Variants in KICS2 observed in about 807,000 individuals in gnomAD.
The protein encoded by KICS2 is KICSTOR complex protein C12orf66.
In KICS2, 13 loss-of-function variants were observed where a neutral mutation model predicts 31.4. The ratio of observed to expected loss-of-function variants is 0.41; its 90% CI spans 0.27 to 0.66. KICS2 has a LOEUF of 0.66. Ranked by LOEUF, KICS2 falls within the 30% of genes least tolerant of loss-of-function variation. The pLI, the probability that KICS2 is intolerant of heterozygous loss-of-function variation, is 0.28. For synonymous variants in KICS2, 209 were observed against 214.8 expected (o/e 0.97, Z 0.24); for missense variants, 455 against 545.4 (o/e 0.83, Z 1.65).
At chr12:64,208,852 T>C (rs115246617) in intron 2 of KICS2, among the ~76,000 whole-genome samples, 5,264 of 152,270 alleles carry the variant, frequency 0.035, 310 homozygotes, top group African/African-American at 0.12. Flanking sequence ...AAGTGATGGC[T>C]TTCTTCTTTC....
downstream of KICS2, chr12:64,186,993 T>C (rs2037343967): frequency 6.6e-6 from 1 of 152,272 alleles, no homozygotes; most frequent in African/African-American, 2.4e-5. Flanking sequence ...TACATTGTCG[T>C]ATCTTGTCAT....
At chr12:64,221,771 A>C (rs2037685681) in intron 1 of KICS2, 1 of 601,654 alleles carries the variant, frequency 1.7e-6, no homozygotes, top group Non-Finnish European at 2.9e-6. Flanking sequence ...TTTGGGTCAC[A>C]GCCCTGCAAA....
intron 2 of KICS2, among the ~76,000 whole-genome samples, chr12:64,201,777 G>T (rs1230141458): frequency 6.6e-6 from 1 of 151,904 alleles, no homozygotes; most frequent in Non-Finnish European, 1.5e-5. Context: ...TGGGGTGGGG[G>T]GGCAAGGTTG....
rs796139631 is a variant in KICS2 at position 64,215,700 on chromosome 12, T to C, written c.499A>G (p.Ile167Val). The C allele has an allele frequency of 6.8e-6, 11 of 1,613,560 alleles. 1 individual carries two copies. In the African/African-American group the frequency reaches 1.3e-4, roughly 20 times the overall value. The change falls in exon 2 of 3, where the codon ATC (isoleucine) becomes GTC (valine). Residue 167 changes from isoleucine (I) to valine (V), a missense_variant. Coordinates refer to ENST00000398055, the MANE Select transcript of KICS2 (RefSeq NM_152440.5). The part of the protein sequence containing the change: ...AEELVGLLDA[I>V]MKKYSSRFHH... ...GACCTGGAGCTGTATTTTTTCATGA[T>C]GGCATCCAAAAGGCCAACGAGCTCT...
Position 64,193,550 on chromosome 12 carries a change from A to G in KICS2, c.*292T>C. ...AAACATATGGGAAAAAAAAAAGCCC[A>G]ATAAATATTCAATCTACAAGAAATA... is the stretch of plus-strand genomic sequence containing the variant. On this transcript the variant is annotated 3_prime_UTR_variant, in exon 3 of 3. Transcript: ENST00000398055. 8.8e-7 allele frequency: 1 copy of G among 1,131,702 alleles called. No homozygotes were observed. Among genetic ancestry groups the G allele is most frequent in the Non-Finnish European group, 1.1e-6 (1 of 924,070 alleles). The allele number at this position is 1,131,702 out of a possible 1,614,324, so 70.1% of individuals were successfully genotyped here. A position where few individuals can be genotyped will look rare whatever the true frequency, so the allele number is the denominator to read the frequency against.
intron 2 of KICS2, among the ~76,000 whole-genome samples, chr12:64,203,143 G>T (rs1435875572): frequency 6.6e-6 from 1 of 152,038 alleles, no homozygotes; most frequent in Non-Finnish European, 1.5e-5. Context: ...TCCTCTATTC[G>T]CTCCTTTGTC....
Position 64,194,081 on chromosome 12 carries a change from T to A in KICS2, c.1099A>T (p.Ile367Phe), listed in dbSNP as rs1315374289. Residue 367 changes from isoleucine (I) to phenylalanine (F), a missense_variant, in exon 3 of 3, where the codon ATC becomes TTC. Coordinates refer to ENST00000398055, the MANE Select transcript of KICS2 (RefSeq NM_152440.5). ...AGATCAGATGTGCGGTCCGTCATGA[T>A]CATGATGACATTGGGCCAGTGCATG... ...PVMHWPNVIM[I>F]MTDRTSDLNS... The A allele has an allele frequency of 2.5e-6, 4 of 1,614,054 alleles. No individual in the cohort carries two copies. Among genetic ancestry groups the A allele is most frequent in the African/African-American group, 2.7e-5 (2 of 74,910 alleles).
chr12:64,217,074 C>T (rs907748289), intron 1 of KICS2, among the ~76,000 whole-genome samples: 8 of 152,060 alleles, frequency 5.3e-5, no homozygotes, highest in African/African-American at 1.7e-4. Context: ...ATAAATGAAC[C>T]ATTTTACAAT....
At chr12:64,217,286 A>C in intron 1 of KICS2, among the ~76,000 whole-genome samples, 1 of 152,174 alleles carries the variant, frequency 6.6e-6, no homozygotes, top group Middle Eastern at 3.2e-3. Context: ...AATTTTGAAC[A>C]GTTGGTTACC....
intron 2 of KICS2, among the ~76,000 whole-genome samples, chr12:64,204,149 T>C (rs981240768): frequency 1.0e-5 from 1 of 99,834 alleles, no homozygotes; most frequent in African/African-American, 4.0e-5. Flanking sequence ...AAGCAGGAGC[T>C]GAACAATGAG....
intron 2 of KICS2, among the ~76,000 whole-genome samples, chr12:64,195,734 G>C (rs1240436392): frequency 6.6e-6 from 1 of 152,278 alleles, no homozygotes; most frequent in African/African-American, 2.4e-5. Flanking sequence ...GCGCAGGCCA[G>C]TGGGTGCACG....
chr12:64,196,220 G>T lies in KICS2; in HGVS notation c.522-1562C>A, dbSNP rs374395517. On this transcript the variant is annotated intron_variant, in intron 2 of 2. Coordinates refer to ENST00000398055, the MANE Select transcript of KICS2 (RefSeq NM_152440.5). ...TCCCTGTCTGACAGCTTTGAAGAGA[G>T]CAGTGGCTCTCCCAGCACGCAGCTG... Among the ~76,000 whole-genome samples, 245 of 152,040 alleles carry T rather than the reference G, an allele frequency of 1.6e-3. 3 individuals are homozygous for T. The East Asian group carries it at 0.036, about 22-fold the overall frequency.
In KICS2 at chr12:64,215,802, C is replaced by G. The variant is rs994472352; in HGVS notation, c.397G>C (p.Val133Leu). 1.2e-6 allele frequency: 2 copies of G among 1,613,988 alleles called. No individual in the cohort carries two copies. Among genetic ancestry groups the G allele is most frequent in the African/African-American group, 2.7e-5 (2 of 74,904 alleles). ...SHLSEQLCFF[V>L]QARMEIADFY... ...TCTGCTATCTCCATCCGAGCCTGAACAAAGAAGCAGAGCTGCTCTGACAGG... is the reference window on the plus strand; with the variant it reads ...TCTGCTATCTCCATCCGAGCCTGAAGAAAGAAGCAGAGCTGCTCTGACAGG... Residue 133 changes from valine to leucine, a missense_variant, in exon 2 of 3, where the codon GTT (valine) becomes CTT (leucine). Transcript: ENST00000398055.
intron 2 of KICS2, among the ~76,000 whole-genome samples, chr12:64,205,434 C>T (rs947554399): frequency 1.3e-5 from 2 of 152,170 alleles, no homozygotes; most frequent in Non-Finnish European, 2.9e-5. Flanking sequence ...TTCCACTCTG[C>T]CATGTGCCTC....
intron 1 of KICS2, among the ~76,000 whole-genome samples, chr12:64,218,511 T>G (rs1442893631): frequency 6.6e-6 from 1 of 152,228 alleles, no homozygotes; most frequent in African/African-American, 2.4e-5. Context: ...TTCCTTTCCC[T>G]TCTATTTATA....
Position 64,192,870 on chromosome 12 carries a change from G to A in KICS2, c.*972C>T. 1.0e-6 allele frequency: 1 copy of A among 985,458 alleles called. No homozygotes were observed. The highest frequency in any genetic ancestry group is 1.2e-6 in the Non-Finnish European group (1 of 829,946). 61.0% of individuals were successfully genotyped at this position (985,458 alleles called of 1,614,324 possible). A position where few individuals can be genotyped will look rare whatever the true frequency, so the allele number is the denominator to read the frequency against. On this transcript the variant is annotated 3_prime_UTR_variant, in exon 3 of 3. Transcript: ENST00000398055. ...ACTGAGGTGATTACTCAACTATGAA[G>A]AGGTCTTTCAAGCGCACAGTTGATT...
intron 2 of KICS2, among the ~76,000 whole-genome samples, chr12:64,196,101 G>A (rs1408268904): frequency 6.6e-6 from 1 of 152,254 alleles, no homozygotes; most frequent in South Asian, 2.1e-4. Flanking sequence ...GCCCACCACA[G>A]CTCAAGGAGG....
chr12:64,204,882 A>G (rs1201221965), intron 2 of KICS2: 4 of 152,218 alleles, frequency 2.6e-5, no homozygotes, highest in Non-Finnish European at 5.9e-5. Context: ...TTTTTAAAAA[A>G]ATCTACTTAA....
chr12:64,188,998 C>T (rs960780726), downstream of KICS2, among the ~76,000 whole-genome samples: 1 of 151,952 alleles, frequency 6.6e-6, no homozygotes, highest in Non-Finnish European at 1.5e-5. Flanking sequence ...ACTAAAAATA[C>T]AAAAATTAGC....
Sources: gnomAD v4.1 joint callset for allele counts (sites outside exome capture counted in the v4.1 genomes callset) on GRCh38, gnomAD v4.1.1 for gene constraint, MANE v1.5 for transcripts, NCBI Gene and HGNC (gene_info 2026-07-23, HGNC 2026-07-21) for gene names.